CHAT: variants seen among roughly 807,000 people sequenced by gnomAD.
CHAT encodes the protein acetyl CoA:choline O-acetyltransferase.
Under a neutral mutation model 76.9 loss-of-function variants are expected in CHAT, and 61 were observed. The ratio of observed to expected loss-of-function variants is 0.79; its 90% CI spans 0.65 to 0.98. The LOEUF (loss-of-function observed/expected upper bound fraction) is 0.98. CHAT is among the 50% of genes least tolerant of loss of function. The probability of loss-of-function intolerance (pLI) is 0.00; values close to 1 mark genes in which losing one functional copy is unlikely to be tolerated. For missense variants in CHAT, 946 were observed against 986.9 expected, an observed-to-expected ratio of 0.96 and a Z score of 0.56; for synonymous variants, 407 against 397.4, an observed-to-expected ratio of 1.02 and a Z score of -0.29.
At chr10:49,638,179 A>C (rs1249360565) in intron 7 of CHAT, among the ~76,000 whole-genome samples, 16 of 152,168 alleles carry the variant, frequency 1.1e-4, no homozygotes, top group Admixed American at 1.0e-3. Context: ...CTTCACTTTT[A>C]TATAATGCCC....
upstream of CHAT, chr10:49,612,332 G>A (rs1454924192): frequency 6.3e-6 from 10 of 1,584,138 alleles, no homozygotes; most frequent in African/African-American, 1.1e-4. Context: ...TACTACACCC[G>A]CAGCTAGCAT....
chr10:49,649,617 T>A lies in CHAT; in HGVS notation c.1492T>A (p.Ser498Thr), dbSNP rs1409506586. 5 of 1,613,828 alleles carry A rather than the reference T, an allele frequency of 3.1e-6. No individual in the cohort carries two copies. The highest frequency in any genetic ancestry group is 4.2e-6 in the Non-Finnish European group (5 of 1,180,028). ...SPEIQGHLAS[S>T]AEKLQRIVKN... Reference sequence around the variant, plus strand: ...GGAAATTCAAGGCCACTTAGCCTCCTCGGCAGAAAAACTTCAACGGTAAGG... The same window carrying A: ...GGAAATTCAAGGCCACTTAGCCTCCACGGCAGAAAAACTTCAACGGTAAGG... The change falls in exon 10 of 15, where the codon TCG (serine) becomes ACG (threonine). Residue 498 changes from serine to threonine, a missense_variant. Physicochemically the swap from Ser to Thr is moderately conservative, Grantham distance 58. Transcript: ENST00000337653.
upstream of CHAT, chr10:49,611,216 T>G: frequency 6.2e-7 from 1 of 1,614,050 alleles, no homozygotes; most frequent in Non-Finnish European, 8.5e-7. Flanking sequence ...CTGATCGGCC[T>G]GGGCGTCATG....
intron 8 of CHAT, 89 bp from the exon 9 acceptor site, chr10:49,648,418 T>A: frequency 1.1e-6 from 1 of 910,568 alleles, no homozygotes; most frequent in South Asian, 1.4e-5. Context: ...AGAGGTGCCC[T>A]GAGAAGCCAG....
Position 49,665,162 on chromosome 10 carries a change from C to A in CHAT, c.*116C>A. ...ACAGCTCCCTGTCCTCAGGGTCCAA[C>A]TCACAGACCATACAGAGACATCACA... On this transcript the variant is annotated 3_prime_UTR_variant, in exon 15 of 15. Coordinates refer to ENST00000337653, the MANE Select transcript of CHAT (RefSeq NM_020549.5). 1 of 1,118,836 alleles carries A rather than the reference C, an allele frequency of 8.9e-7. No homozygotes were observed. The highest frequency in any genetic ancestry group is 1.3e-6 in the Non-Finnish European group (1 of 742,754). The allele number at this position is 1,118,836 out of a possible 1,614,324, so 69.3% of individuals were successfully genotyped here.
chr10:49,626,990 G>A (rs185884453), intron 6 of CHAT, among the ~76,000 whole-genome samples: 3 of 152,242 alleles, frequency 2.0e-5, no homozygotes, highest in Non-Finnish European at 4.4e-5. Flanking sequence ...ATGATTGCTG[G>A]CTTGCTTTTT....
chr10:49,612,184 C>G (rs138708428), upstream of CHAT: 4 of 1,609,756 alleles, frequency 2.5e-6, no homozygotes, highest in Non-Finnish European at 3.4e-6. Flanking sequence ...CCGTTCCGAG[C>G]GCGATGTGCT....
intron 7 of CHAT, among the ~76,000 whole-genome samples, chr10:49,644,573 G>A (rs114311950): frequency 5.9e-5 from 9 of 152,224 alleles, no homozygotes; most frequent in South Asian, 2.1e-4. Context: ...TCATAGGGAC[G>A]AGGAGGGGTT....
At chr10:49,622,293 C>A in intron 5 of CHAT, 143 bp downstream of exon 5, 1 of 876,278 alleles carries the variant, frequency 1.1e-6, no homozygotes, top group Non-Finnish European at 1.9e-6. Flanking sequence ...CAACCCACTC[C>A]CCCACCATCA....
At chr10:49,610,749 C>A (rs1175912674), upstream of CHAT, 1 of 1,522,840 alleles carries the variant, frequency 6.6e-7, no homozygotes, top group Non-Finnish European at 8.8e-7. Flanking sequence ...GCATGGAATC[C>A]GCGGAACCTG....
chr10:49,645,208 G>A (rs1470275396), intron 7 of CHAT, among the ~76,000 whole-genome samples: 2 of 152,128 alleles, frequency 1.3e-5, no homozygotes, highest in Admixed American at 6.5e-5. Flanking sequence ...TGTGCAACTA[G>A]GAGTCTCTAC....
chr10:49,646,764 C>T (rs905086707), intron 8 of CHAT, 90 bp downstream of exon 8: 7 of 1,437,730 alleles, frequency 4.9e-6, no homozygotes, highest in East Asian at 2.4e-5. Flanking sequence ...TGCCCAGGCC[C>T]GCACGTGCTT....
chr10:49,626,637 T>A (rs369582637), intron 6 of CHAT, among the ~76,000 whole-genome samples: 2 of 152,148 alleles, frequency 1.3e-5, no homozygotes, highest in African/African-American at 4.8e-5. Flanking sequence ...TCAAGCCAAG[T>A]ATTTCCCAGC....
At chr10:49,621,615 G>C (rs919324530) in intron 4 of CHAT, among the ~76,000 whole-genome samples, 3 of 152,086 alleles carry the variant, frequency 2.0e-5, no homozygotes, top group Non-Finnish European at 4.4e-5. Context: ...ACAAGGCCAG[G>C]GGTCCTGCCC....
intron 8 of CHAT, among the ~76,000 whole-genome samples, chr10:49,648,214 G>C (rs555332905): frequency 4.6e-5 from 7 of 152,184 alleles, no homozygotes; most frequent in Non-Finnish European, 8.8e-5. Context: ...GGGCAGACTC[G>C]TCCTGAGGAT....
intron 8 of CHAT, chr10:49,646,990 T>A (rs936580742): frequency 3.3e-5 from 15 of 448,652 alleles, no homozygotes; most frequent in African/African-American, 3.0e-4. Flanking sequence ...CCATTTCCCA[T>A]CACCCATCAC....
intron 13 of CHAT, among the ~76,000 whole-genome samples, chr10:49,661,749 T>C (rs2041415391): frequency 6.6e-6 from 1 of 151,804 alleles, no homozygotes; most frequent in African/African-American, 2.4e-5. Flanking sequence ...CTAGAATTGC[T>C]CCAAATAAAC....
chr10:49,625,992 A>G (rs1193450892), intron 6 of CHAT, among the ~76,000 whole-genome samples: 1 of 152,222 alleles, frequency 6.6e-6, no homozygotes, highest in Non-Finnish European at 1.5e-5. Context: ...ACACACAGAC[A>G]GACAGTGTTA....
Position 49,627,755 on chromosome 10 carries a change from T to G in CHAT, c.1081T>G (p.Trp361Gly). 1 of 1,613,806 alleles carries G rather than the reference T, an allele frequency of 6.2e-7. No homozygotes were observed. Among genetic ancestry groups the G allele is most frequent in the Non-Finnish European group, 8.5e-7 (1 of 1,179,850 alleles). The stretch of plus-strand genomic sequence containing the variant: ...GCTGACGTCTGACGGGAGGAGCGAG[T>G]GGGCCGAGGCCAGGACGGTCCTCGT... ...GLLTSDGRSE[W>G]AEARTVLVKD... Residue 361 changes from tryptophan (W) to glycine (G), a missense_variant, in exon 7 of 15, where the codon TGG becomes GGG. Coordinates refer to ENST00000337653, the MANE Select transcript of CHAT (RefSeq NM_020549.5).
Sources: gnomAD v4.1 joint callset for allele counts (sites outside exome capture counted in the v4.1 genomes callset) on GRCh38, gnomAD v4.1.1 for gene constraint, MANE v1.5 for transcripts, NCBI Gene and HGNC (gene_info 2026-07-23, HGNC 2026-07-21) for gene names.